The following ST6GALNAC5 variants were observed in gnomAD, a reference collection of about 807,000 sequenced individuals.
ST6GALNAC5 encodes alpha-N-acetylgalactosaminide alpha-2,6-sialyltransferase 5.
A neutral mutation model predicts 33.6 loss-of-function variants in ST6GALNAC5; 27 were observed. The ratio of observed to expected loss-of-function variants is 0.80; its 90% confidence interval spans 0.59 to 1.11. ST6GALNAC5 has a LOEUF of 1.11. Ranked by LOEUF, ST6GALNAC5 falls within the 50% of genes least tolerant of loss-of-function variation. The pLI is 0.00. For missense variants in ST6GALNAC5, 428 were observed against 454.0 expected, an observed-to-expected ratio of 0.94 and a Z score of 0.52; for synonymous variants, 194 against 171.2, an observed-to-expected ratio of 1.13 and a Z score of -1.04.
At chr1:76,886,035 C>T (rs928909754) in intron 2 of ST6GALNAC5, among the ~76,000 whole-genome samples, 16 of 152,178 alleles carry the variant, frequency 1.1e-4, no homozygotes, top group African/African-American at 3.6e-4. Context: ...TGCAGCCTCA[C>T]GTTTGCCTTT....
rs182708776 is a variant in ST6GALNAC5, at chr1:76,869,810, A to G, written c.261+1068A>G. Among the ~76,000 whole-genome samples the G allele has an allele frequency of 1.5e-4, 23 of 152,348 alleles. No homozygotes were observed. The East Asian group carries it at 4.2e-3, about 28-fold the overall frequency. On this transcript the variant is annotated intron_variant, in intron 2 of 4. Coordinates refer to ENST00000477717, the MANE Select transcript of ST6GALNAC5 (RefSeq NM_030965.3). ...TATAAAAGAATTTAAGGCAGGACCC[A>G]GTCTTACGGATCTTTAAATACCTGA...
At chr1:76,981,448 C>T (rs2100381218) in intron 2 of ST6GALNAC5, among the ~76,000 whole-genome samples, 1 of 152,340 alleles carries the variant, frequency 6.6e-6, no homozygotes, top group Non-Finnish European at 1.5e-5. Flanking sequence ...GGGCATCCAA[C>T]ATTGCTGAGG....
intron 2 of ST6GALNAC5, among the ~76,000 whole-genome samples, chr1:76,974,060 T>A (rs898458246): frequency 6.6e-6 from 1 of 152,130 alleles, no homozygotes; most frequent in African/African-American, 2.4e-5. Context: ...CTAATTTTAT[T>A]ACACTAAAAT....
intron 4 of ST6GALNAC5, among the ~76,000 whole-genome samples, chr1:77,053,811 G>A (rs945077479): frequency 1.1e-4 from 17 of 152,246 alleles, no homozygotes; most frequent in African/African-American, 2.4e-4. Context: ...GCTCATTGGC[G>A]CATTTTACAG....
At chr1:77,033,277 TTAAC>T (rs1345592536) in intron 2 of ST6GALNAC5, among the ~76,000 whole-genome samples, 6 of 152,224 alleles carry the variant, frequency 3.9e-5, no homozygotes, top group Non-Finnish European at 1.5e-5. Context: ...AGAGATTTCT[TTAAC>T]TATTTCTTGA....
intron 2 of ST6GALNAC5, among the ~76,000 whole-genome samples, chr1:77,024,924 C>T (rs1007611826): frequency 2.0e-5 from 3 of 152,172 alleles, no homozygotes; most frequent in Admixed American, 1.3e-4. Flanking sequence ...CTTAGTCAGC[C>T]CCTCACCAGA....
intron 2 of ST6GALNAC5, among the ~76,000 whole-genome samples, chr1:76,963,871 C>A (rs1032761423): frequency 3.9e-5 from 6 of 152,088 alleles, no homozygotes; most frequent in African/African-American, 1.4e-4. Flanking sequence ...ATTGTGAACC[C>A]AACCTAATCA....
intron 4 of ST6GALNAC5, among the ~76,000 whole-genome samples, chr1:77,060,929 A>T (rs1652555715): frequency 6.6e-6 from 1 of 152,218 alleles, no homozygotes; most frequent in African/African-American, 2.4e-5. Context: ...CCATGGCAAC[A>T]TGAAATTGGC....
chr1:77,044,561 C>A lies in ST6GALNAC5; in HGVS notation c.619C>A (p.His207Asn). ...GCTGAAGGCCTTCATGATTACTCGC[C>A]ACAAGATGCTGCAGTTTGATGAGCT... is the stretch of plus-strand genomic sequence containing the variant. ...PRLKAFMITR[H>N]KMLQFDELFK... The change falls in exon 3 of 5, where the codon CAC (histidine) becomes AAC (asparagine). Residue 207 changes from histidine to asparagine, a missense_variant. His to Asn is a moderately conservative substitution (Grantham distance 68, BLOSUM62 1). Transcript: ENST00000477717. 6.3e-7 allele frequency: 1 copy of A among 1,592,986 alleles called. No individual in the cohort carries two copies. The highest frequency in any genetic ancestry group is 8.6e-7 in the Non-Finnish European group (1 of 1,168,122).
intron 2 of ST6GALNAC5, among the ~76,000 whole-genome samples, chr1:76,925,291 A>AG (rs987566847): frequency 5.3e-5 from 8 of 152,028 alleles, no homozygotes; most frequent in Non-Finnish European, 8.8e-5. Context: ...TGAGATTTGG[A>AG]GGGCACAAAT....
Position 77,063,001 on chromosome 1 carries a change from A to G in ST6GALNAC5, c.806A>G (p.Tyr269Cys), listed in dbSNP as rs748547179. The G allele has an allele frequency of 2.5e-6, 4 of 1,613,824 alleles. No homozygotes were observed. Among genetic ancestry groups the G allele is most frequent in the South Asian group, 2.2e-5 (2 of 91,070 alleles). Residue 269 changes from tyrosine to cysteine, a missense_variant, in exon 5 of 5, where the codon TAT (tyrosine) becomes TGT (cysteine). Tyr to Cys is a radical substitution (Grantham distance 194, BLOSUM62 -2). Coordinates refer to ENST00000477717, the MANE Select transcript of ST6GALNAC5 (RefSeq NM_030965.3). The part of the protein sequence containing the change: ...CRDPNHPSVP[Y>C]HYYEPFGPDE... ...GATCCCAATCACCCTTCAGTACCTTATCATTATTATGAACCTTTTGGACCT... is the reference window on the plus strand; with the variant it reads ...GATCCCAATCACCCTTCAGTACCTTGTCATTATTATGAACCTTTTGGACCT...
chr1:76,924,163 C>T (rs1056102068), intron 2 of ST6GALNAC5, among the ~76,000 whole-genome samples: 1 of 152,064 alleles, frequency 6.6e-6, no homozygotes, highest in African/African-American at 2.4e-5. Context: ...AGTAATATTT[C>T]TATCTACAAA....
In ST6GALNAC5 at chr1:77,066,498, TAGA is replaced by T. The variant is rs1355412490; in HGVS notation, c.*3295_*3297del. Among the ~76,000 whole-genome samples the T allele has an allele frequency of 2.0e-5, 3 of 152,204 alleles. No individual in the cohort carries two copies. The East Asian group carries it at 5.8e-4, about 29-fold the overall frequency. ...GAAGATGATAAATGCTAAGTAAAAGTAGAAGGAGAAAGTTGAAATTCTATTAGG... is the reference window on the plus strand; with the variant it reads ...GAAGATGATAAATGCTAAGTAAAAGTAGGAGAAAGTTGAAATTCTATTAGG... On this transcript the variant is annotated 3_prime_UTR_variant, in exon 5 of 5. Coordinates refer to ENST00000477717, the MANE Select transcript of ST6GALNAC5 (RefSeq NM_030965.3).
At chr1:76,968,222 C>T (rs1021260773) in intron 2 of ST6GALNAC5, among the ~76,000 whole-genome samples, 14 of 151,954 alleles carry the variant, frequency 9.2e-5, no homozygotes, top group Non-Finnish European at 4.4e-5. Flanking sequence ...AGTCTAAGTC[C>T]CTTTGTAGGT....
chr1:76,924,375 C>A (rs961105607), intron 2 of ST6GALNAC5, among the ~76,000 whole-genome samples: 2 of 152,122 alleles, frequency 1.3e-5, no homozygotes, highest in South Asian at 2.1e-4. Flanking sequence ...ATCTTAATAT[C>A]CCCTCCACAT....
chr1:76,993,482 T>A (rs762732795), intron 2 of ST6GALNAC5, among the ~76,000 whole-genome samples: 1 of 152,228 alleles, frequency 6.6e-6, no homozygotes. Flanking sequence ...TCACTGCAGC[T>A]TTCCCTAAGG....
rs372781606 is a variant in ST6GALNAC5 at position 76,893,259 on chromosome 1, A to G, written c.261+24517A>G. 4.6e-5 allele frequency among the ~76,000 whole-genome samples: 7 copies of G among 152,168 alleles called. No homozygotes were observed. In the South Asian group the frequency reaches 1.0e-3, roughly 23 times the overall value. Reference sequence around the variant, plus strand: ...GAAGGGTGTGCAGGAGGGAGGAAGGACAAATTTGGATTTCATATGTCATAC... The same window carrying G: ...GAAGGGTGTGCAGGAGGGAGGAAGGGCAAATTTGGATTTCATATGTCATAC... On this transcript the variant is annotated intron_variant, in intron 2 of 4. Transcript: ENST00000477717.
intron 2 of ST6GALNAC5, among the ~76,000 whole-genome samples, chr1:76,958,757 T>C (rs1460574964): frequency 6.6e-6 from 1 of 152,040 alleles, no homozygotes; most frequent in Non-Finnish European, 1.5e-5. Flanking sequence ...GCCTCCTTCC[T>C]CATTGGTCTC....
At chr1:76,926,169 T>C (rs1570678916) in intron 2 of ST6GALNAC5, among the ~76,000 whole-genome samples, 1 of 152,306 alleles carries the variant, frequency 6.6e-6, no homozygotes, top group Non-Finnish European at 1.5e-5. Context: ...AGCAAAGTAA[T>C]ACAAAATTTA....
Sources: allele counts gnomAD v4.1 joint callset (sites outside exome capture counted in the v4.1 genomes callset), GRCh38; gene constraint gnomAD v4.1.1; transcripts MANE v1.5; gene names NCBI Gene and HGNC (gene_info 2026-07-23, HGNC 2026-07-21).